The following LRRTM4 variants were observed in gnomAD, a reference collection of about 807,000 sequenced individuals.
LRRTM4 encodes the protein leucine rich repeat transmembrane neuronal 4, also known as leucine-rich repeat transmembrane neuronal protein 4.
A neutral mutation model predicts 47.6 loss-of-function variants in LRRTM4; 25 were observed. The observed-to-expected ratio is 0.53, with a 90% CI of 0.38 to 0.73. The LOEUF (loss-of-function observed/expected upper bound fraction) is 0.73. Ranked by LOEUF, LRRTM4 falls within the 30% of genes least tolerant of loss-of-function variation. The probability of loss-of-function intolerance (pLI) is 0.00; values close to 1 mark genes in which losing one functional copy is unlikely to be tolerated. For synonymous variants in LRRTM4, 311 were observed against 269.5 expected, an observed-to-expected ratio of 1.15 and a Z score of -1.51; for missense variants, 638 against 713.4, an observed-to-expected ratio of 0.89 and a Z score of 1.20.
chr2:77,126,532 G>T (rs989807384), intron 3 of LRRTM4, among the ~76,000 whole-genome samples: 7 of 152,110 alleles, frequency 4.6e-5, no homozygotes, highest in African/African-American at 1.7e-4. Context: ...ACGTATAATG[G>T]TGATTCCATT....
At chr2:77,441,886 C>A (rs916560706) in intron 3 of LRRTM4, among the ~76,000 whole-genome samples, 14 of 152,138 alleles carry the variant, frequency 9.2e-5, no homozygotes, top group African/African-American at 3.4e-4. Flanking sequence ...GTGTATGAGT[C>A]CTGGATATGG....
At chr2:77,286,653 G>A (rs1676668095) in intron 3 of LRRTM4, among the ~76,000 whole-genome samples, 1 of 150,738 alleles carries the variant, frequency 6.6e-6, no homozygotes, top group South Asian at 2.1e-4. Context: ...GAAACTACAA[G>A]GGGTACACAC....
At chr2:77,446,069 A>T (rs1676038952) in intron 3 of LRRTM4, among the ~76,000 whole-genome samples, 1 of 152,064 alleles carries the variant, frequency 6.6e-6, no homozygotes, top group Admixed American at 6.6e-5. Context: ...TAACGTAAGC[A>T]CTTTCAAAAT....
intron 3 of LRRTM4, among the ~76,000 whole-genome samples, chr2:77,330,397 G>A (rs989050998): frequency 6.6e-6 from 1 of 152,070 alleles, no homozygotes; most frequent in Non-Finnish European, 1.5e-5. Context: ...AGTGCTGATT[G>A]CAATCAAAAG....
intron 3 of LRRTM4, among the ~76,000 whole-genome samples, chr2:77,049,539 GATT>G (rs1040240669): frequency 1.3e-5 from 2 of 151,856 alleles, no homozygotes; most frequent in African/African-American, 4.8e-5. Flanking sequence ...TTTCTCTGAT[GATT>G]ATTGATATTG....
chr2:76,902,790 A>G (rs1026974028), intron 3 of LRRTM4, among the ~76,000 whole-genome samples: 14 of 152,194 alleles, frequency 9.2e-5, no homozygotes, highest in African/African-American at 3.4e-4. Flanking sequence ...GTTTTAAACT[A>G]TTCTATTGAG....
chr2:76,958,726 C>T (rs1408490120), intron 3 of LRRTM4, among the ~76,000 whole-genome samples: 1 of 151,666 alleles, frequency 6.6e-6, no homozygotes, highest in Non-Finnish European at 1.5e-5. Flanking sequence ...TCAAGGTATC[C>T]TACTAAACTG....
chr2:77,032,328 TAAC>T (rs796105769), intron 3 of LRRTM4, among the ~76,000 whole-genome samples: 16 of 152,260 alleles, frequency 1.1e-4, no homozygotes, highest in African/African-American at 3.8e-4. Context: ...TCAAACAAAA[TAAC>T]AACTCCAAGC....
intron 3 of LRRTM4, 39 bp downstream of exon 3, chr2:77,518,279 C>T: frequency 6.6e-7 from 1 of 1,522,002 alleles, no homozygotes; most frequent in Non-Finnish European, 8.8e-7. Flanking sequence ...CTCTCCTTCC[C>T]CGCAGTAGAA....
At chr2:76,784,398 C>T (rs1471476698) in intron 3 of LRRTM4, among the ~76,000 whole-genome samples, 1 of 151,970 alleles carries the variant, frequency 6.6e-6, no homozygotes, top group Non-Finnish European at 1.5e-5. Context: ...CATATGGACT[C>T]TAATTACTAT....
At chr2:77,143,164 C>G (rs776221831) in intron 3 of LRRTM4, among the ~76,000 whole-genome samples, 1 of 152,128 alleles carries the variant, frequency 6.6e-6, no homozygotes, top group Non-Finnish European at 1.5e-5. Flanking sequence ...CTATTCTTAT[C>G]TCCATTTTAC....
At chr2:77,190,760 G>A (rs1053333626) in intron 3 of LRRTM4, among the ~76,000 whole-genome samples, 2 of 152,094 alleles carry the variant, frequency 1.3e-5, no homozygotes, top group African/African-American at 4.8e-5. Flanking sequence ...TACAAAATTT[G>A]TAAATGCATA....
chr2:76,999,280 T>C (rs17406084), intron 3 of LRRTM4, among the ~76,000 whole-genome samples: 26,287 of 152,010 alleles, frequency 0.17, 2,430 homozygotes, highest in Admixed American at 0.26. Flanking sequence ...GTTAGACTGA[T>C]ACAATTCTCA....
At chr2:76,833,559 T>A (rs1671418290) in intron 3 of LRRTM4, among the ~76,000 whole-genome samples, 1 of 148,754 alleles carries the variant, frequency 6.7e-6, no homozygotes, top group Admixed American at 6.9e-5. Flanking sequence ...TATCAGAATA[T>A]CCACTTATAA....
intron 3 of LRRTM4, among the ~76,000 whole-genome samples, chr2:77,492,706 A>T (rs1678214454): frequency 6.6e-6 from 1 of 152,190 alleles, no homozygotes; most frequent in Admixed American, 6.5e-5. Flanking sequence ...TCCATTATGA[A>T]ATTAAGAATC....
chr2:76,857,500 A>G (rs1372464979), intron 3 of LRRTM4, among the ~76,000 whole-genome samples: 1 of 151,900 alleles, frequency 6.6e-6, no homozygotes, highest in East Asian at 1.9e-4. Flanking sequence ...AAAGTTATAT[A>G]TGGATTTTTG....
intron 3 of LRRTM4, among the ~76,000 whole-genome samples, chr2:77,281,803 T>C (rs1423794465): frequency 2.0e-5 from 3 of 151,708 alleles, no homozygotes; most frequent in African/African-American, 7.3e-5. Context: ...ACAAAAATAG[T>C]CAAGAAGAGA....
At chr2:77,406,394 T>C (rs1408804895) in intron 3 of LRRTM4, among the ~76,000 whole-genome samples, 1 of 152,092 alleles carries the variant, frequency 6.6e-6, no homozygotes, top group African/African-American at 2.4e-5. Flanking sequence ...TGATCATGGC[T>C]TACTGCAGCC....
chr2:76,962,414 T>C (rs1287902014), intron 3 of LRRTM4, among the ~76,000 whole-genome samples: 1 of 151,030 alleles, frequency 6.6e-6, no homozygotes. Context: ...TTTTGTTGTT[T>C]GCATAACAAT....
Sources: gnomAD v4.1 joint callset for allele counts (sites outside exome capture counted in the v4.1 genomes callset) on GRCh38, gnomAD v4.1.1 for gene constraint, MANE v1.5 for transcripts, NCBI Gene and HGNC (gene_info 2026-07-23, HGNC 2026-07-21) for gene names.